Variants in RNF38 observed in about 807,000 individuals in gnomAD.
RNF38 encodes the protein E3 ubiquitin-protein ligase RNF38.
In RNF38, 15 loss-of-function variants were observed where a neutral mutation model predicts 67.2. That is an observed-to-expected ratio of 0.22 (90% CI 0.15 to 0.34). RNF38 has a LOEUF of 0.34. Ranked by LOEUF, RNF38 falls within the 10% of genes least tolerant of loss-of-function variation. The pLI is 1.00. For missense variants in RNF38, 524 were observed against 639.9 expected (o/e 0.82, Z 1.95); for synonymous variants, 220 against 218.8 (o/e 1.01, Z -0.05).
intron 2 of RNF38, among the ~76,000 whole-genome samples, chr9:36,409,349 A>G (rs976803729): frequency 1.1e-4 from 16 of 151,962 alleles, no homozygotes; most frequent in South Asian, 2.1e-4. Context: ...AAGAAAGAAA[A>G]AAAGAAAGAA....
rs1433618591 is a variant in RNF38 at position 36,478,150 on chromosome 9, T to G, written n.241+9158A>C. ...ACGTAGAATGGTTGATATAAGTGTT[T>G]ATTACCAGGCGTGGTAGCTCACGCC... On this transcript the variant is annotated intron_variant and non_coding_transcript_variant, in intron 1 of 3. Coordinates refer to the RNF38 transcript ENST00000488058. 2.6e-5 allele frequency among the ~76,000 whole-genome samples: 4 copies of G among 151,918 alleles called. No individual in the cohort carries two copies. In the East Asian group the frequency reaches 7.8e-4, roughly 29 times the overall value.
At chr9:36,466,075 A>C (rs999265844) in intron 1 of RNF38, among the ~76,000 whole-genome samples, 2 of 152,184 alleles carry the variant, frequency 1.3e-5, no homozygotes, top group Non-Finnish European at 2.9e-5. Flanking sequence ...AAAAAGTAAC[A>C]AAGTGCTGAT....
chr9:36,457,209 T>C (rs1839614650), intron 1 of RNF38, among the ~76,000 whole-genome samples: 1 of 152,242 alleles, frequency 6.6e-6, no homozygotes, highest in African/African-American at 2.4e-5. Flanking sequence ...CCTGCTTTCT[T>C]ACCAAACACG....
chr9:36,400,955 A>AC (rs1179419163), upstream of RNF38: 10 of 979,482 alleles, frequency 1.0e-5, no homozygotes, highest in African/African-American at 1.8e-4. Flanking sequence ...GCGATCACAG[A>AC]CCCGGGCTCC....
chr9:36,435,246 C>T (rs537980019), intron 1 of RNF38, among the ~76,000 whole-genome samples: 3 of 152,066 alleles, frequency 2.0e-5, no homozygotes, highest in Admixed American at 1.3e-4. Flanking sequence ...TTGAACCATG[C>T]GAATATATTA....
At chr9:36,478,893 G>A (rs1840185969) in intron 1 of RNF38, among the ~76,000 whole-genome samples, 1 of 151,742 alleles carries the variant, frequency 6.6e-6, no homozygotes, top group African/African-American at 2.4e-5. Context: ...GCTTTTGTGG[G>A]CAATCAATCA....
chr9:36,411,553 T>C (rs1006109999), intron 2 of RNF38, among the ~76,000 whole-genome samples: 1 of 152,154 alleles, frequency 6.6e-6, no homozygotes, highest in Non-Finnish European at 1.5e-5. Context: ...AAATGTGATG[T>C]ATATTACAAT....
intron 4 of RNF38, among the ~76,000 whole-genome samples, chr9:36,358,151 G>T (rs1385748369): frequency 1.3e-5 from 2 of 152,042 alleles, no homozygotes; most frequent in Non-Finnish European, 2.9e-5. Flanking sequence ...CAAAATTGGG[G>T]CTAAACTCCT....
chr9:36,476,920 T>C (rs1457207051), intron 1 of RNF38, among the ~76,000 whole-genome samples: 1 of 152,184 alleles, frequency 6.6e-6, no homozygotes, highest in African/African-American at 2.4e-5. Flanking sequence ...TAGGTTTCCA[T>C]GGAGTACACA....
Position 36,336,451 on chromosome 9 carries a change from T to C in RNF38, c.*3301A>G, listed in dbSNP as rs917410438. The C allele has an allele frequency of 2.6e-5, 4 of 152,300 alleles. No individual in the cohort carries two copies. The highest frequency in any genetic ancestry group is 4.8e-5 in the African/African-American group (2 of 41,456). The allele number at this position is 152,300 out of a possible 1,614,324, so 9.4% of individuals were successfully genotyped here. ...ACCAACAACCCTCTCAACTCCAAAA[T>C]TGGGCACAGGGATTAAAAATAAAAA... On this transcript the variant is annotated 3_prime_UTR_variant, in exon 12 of 12. Transcript: ENST00000259605.
chr9:36,418,856 G>C (rs1008714621), intron 2 of RNF38, among the ~76,000 whole-genome samples: 1 of 151,760 alleles, frequency 6.6e-6, no homozygotes, highest in African/African-American at 2.4e-5. Flanking sequence ...CCAGCTACTC[G>C]GGAGGCTGAG....
At chr9:36,343,127 T>C (rs1193339807) in intron 10 of RNF38, among the ~76,000 whole-genome samples, 1 of 152,224 alleles carries the variant, frequency 6.6e-6, no homozygotes, top group African/African-American at 2.4e-5. Context: ...TATTGCTCTA[T>C]TGTTATTTTC....
At chr9:36,426,369 C>T (rs1460924795) in intron 1 of RNF38, among the ~76,000 whole-genome samples, 1 of 152,190 alleles carries the variant, frequency 6.6e-6, no homozygotes, top group Non-Finnish European at 1.5e-5. Flanking sequence ...ACCACTCCAA[C>T]TTCTGTGTAT....
rs778756346 is a variant in RNF38 at position 36,344,993 on chromosome 9, C to T, written c.1264-40G>A. 2.0e-5 allele frequency: 32 copies of T among 1,588,204 alleles called. No homozygotes were observed. In the East Asian group the frequency reaches 5.4e-4, roughly 27 times the overall value. On this transcript the variant is annotated intron_variant, in intron 9 of 11. Transcript: ENST00000259605. ...GACGACATATTTTCATCTATCTTTA[C>T]ATTTTGCATTCCAATACTTTTTTTT...
intron 2 of RNF38, among the ~76,000 whole-genome samples, chr9:36,379,474 G>C (rs181828703): frequency 6.6e-6 from 1 of 151,984 alleles, no homozygotes; most frequent in Non-Finnish European, 1.5e-5. Flanking sequence ...CCCAAATTTT[G>C]TACTCCAATC....
intron 2 of RNF38, among the ~76,000 whole-genome samples, chr9:36,385,998 A>G (rs1262811384): frequency 6.6e-6 from 1 of 152,222 alleles, no homozygotes; most frequent in Non-Finnish European, 1.5e-5. Flanking sequence ...ATACTTTCCA[A>G]GAGTACGTCC....
At chr9:36,405,813 A>C (rs1408318703), upstream of RNF38, among the ~76,000 whole-genome samples, 2 of 152,266 alleles carry the variant, frequency 1.3e-5, no homozygotes, top group African/African-American at 4.8e-5. Flanking sequence ...GTGAATTTGA[A>C]GGGTACCGTT....
chr9:36,431,221 GA>G (rs1396129181), intron 1 of RNF38, among the ~76,000 whole-genome samples: 2 of 152,164 alleles, frequency 1.3e-5, no homozygotes, highest in Non-Finnish European at 1.5e-5. Context: ...TACATTCTGA[GA>G]AATGCATGGT....
At chr9:36,416,397 C>T (rs866342514) in intron 2 of RNF38, among the ~76,000 whole-genome samples, 63 of 152,074 alleles carry the variant, frequency 4.1e-4, no homozygotes, top group Non-Finnish European at 6.5e-4. Context: ...CTGACAACAC[C>T]GTTATATCCA....
Sources: allele counts gnomAD v4.1 joint callset (sites outside exome capture counted in the v4.1 genomes callset), GRCh38; gene constraint gnomAD v4.1.1; transcripts MANE v1.5; gene names NCBI Gene and HGNC (gene_info 2026-07-23, HGNC 2026-07-21).